Variants in ROBO2 observed in about 807,000 individuals in gnomAD.
ROBO2 encodes roundabout homolog 2.
Under a neutral mutation model 160.8 loss-of-function variants are expected in ROBO2, and 53 were observed. That is an observed-to-expected ratio of 0.33 (90% confidence interval 0.26 to 0.41). The LOEUF is 0.41. Ranked by LOEUF, ROBO2 falls within the 10% of genes least tolerant of loss-of-function variation. The probability of loss-of-function intolerance (pLI) is 1.00; values close to 1 mark genes in which losing one functional copy is unlikely to be tolerated. For missense variants in ROBO2, 1,577 were observed against 1,722.4 expected (o/e 0.92, Z 1.49); for synonymous variants, 664 against 611.7 (o/e 1.09, Z -1.26).
chr3:77,170,651 T>G (rs2079547897), intron 2 of ROBO2, among the ~76,000 whole-genome samples: 1 of 152,190 alleles, frequency 6.6e-6, no homozygotes, highest in Non-Finnish European at 1.5e-5. Flanking sequence ...TTATGGTTTC[T>G]ATTTAAATGG....
intron 2 of ROBO2, among the ~76,000 whole-genome samples, chr3:77,390,986 A>T (rs577814243): frequency 3.7e-4 from 56 of 152,044 alleles, no homozygotes; most frequent in Middle Eastern, 3.4e-3. Context: ...TGAATTTCAG[A>T]CCTGCCTTCA....
intron 2 of ROBO2, among the ~76,000 whole-genome samples, chr3:77,399,332 C>G (rs7431582): frequency 6.6e-6 from 1 of 152,156 alleles, no homozygotes; most frequent in African/African-American, 2.4e-5. Context: ...TGCACATATT[C>G]CTTGGTGACA....
chr3:76,423,140 C>A (rs972875118), intron 2 of ROBO2, among the ~76,000 whole-genome samples: 13 of 152,186 alleles, frequency 8.5e-5, no homozygotes, highest in African/African-American at 3.1e-4. Flanking sequence ...GGGTTAGGTT[C>A]TTCTATTTTC....
At chr3:77,582,655 G>C (rs2093950133) in intron 16 of ROBO2, among the ~76,000 whole-genome samples, 2 of 152,084 alleles carry the variant, frequency 1.3e-5, no homozygotes, top group South Asian at 4.1e-4. Flanking sequence ...TCCTAGAGCA[G>C]TATAGTGTCA....
At chr3:76,417,155 T>C (rs1028395810) in intron 2 of ROBO2, among the ~76,000 whole-genome samples, 15 of 152,186 alleles carry the variant, frequency 9.9e-5, no homozygotes, top group African/African-American at 3.6e-4. Flanking sequence ...GCTCATGTTA[T>C]CTGGAATGGG....
intron 2 of ROBO2, among the ~76,000 whole-genome samples, chr3:77,240,178 G>T (rs1279569887): frequency 1.3e-5 from 2 of 152,148 alleles, no homozygotes; most frequent in Non-Finnish European, 2.9e-5. Context: ...CCACGCAGGA[G>T]CCCACCACAG....
chr3:76,203,835 A>G (rs140250868), intron 2 of ROBO2, among the ~76,000 whole-genome samples: 22 of 152,222 alleles, frequency 1.4e-4, no homozygotes, highest in Middle Eastern at 3.4e-3. Context: ...GCCTCAGGCT[A>G]TCGGCTTCCC....
chr3:76,100,151 C>T (rs975031651), intron 2 of ROBO2, among the ~76,000 whole-genome samples: 12 of 152,110 alleles, frequency 7.9e-5, no homozygotes, highest in African/African-American at 1.2e-4. Context: ...TGAATCCTTG[C>T]ACAATTCTTT....
intron 2 of ROBO2, among the ~76,000 whole-genome samples, chr3:77,468,192 G>C (rs2082980947): frequency 6.6e-6 from 1 of 152,200 alleles, no homozygotes; most frequent in African/African-American, 2.4e-5. Flanking sequence ...TAAGCTAATG[G>C]ATAGGCTATG....
intron 2 of ROBO2, among the ~76,000 whole-genome samples, chr3:77,408,380 T>A (rs2076428201): frequency 6.6e-6 from 1 of 152,192 alleles, no homozygotes; most frequent in East Asian, 1.9e-4. Context: ...TAAAAGCATG[T>A]GCTTTTTTAT....
chr3:76,780,145 TAATGTTGAGC>T (rs1366981890), intron 2 of ROBO2, among the ~76,000 whole-genome samples: 2 of 150,934 alleles, frequency 1.3e-5, no homozygotes, highest in Non-Finnish European at 3.0e-5. Context: ...TGATGATTAG[TAATGTTGAGC>T]ACCTTTACAT....
At chr3:77,611,297 CAA>C (rs11330872) in intron 21 of ROBO2, among the ~76,000 whole-genome samples, 32 of 132,172 alleles carry the variant, frequency 2.4e-4, no homozygotes, top group Non-Finnish European at 2.4e-4. Flanking sequence ...GACTCTGTCT[CAA>C]AAAAAAAAAA....
intron 2 of ROBO2, among the ~76,000 whole-genome samples, chr3:77,292,364 A>C (rs564695063): frequency 6.6e-6 from 1 of 152,180 alleles, no homozygotes; most frequent in African/African-American, 2.4e-5. Flanking sequence ...TGACGGTTAA[A>C]TGGGTAAGCT....
chr3:76,244,902 C>A (rs1705523885), intron 2 of ROBO2, among the ~76,000 whole-genome samples: 1 of 152,290 alleles, frequency 6.6e-6, no homozygotes, highest in Admixed American at 6.5e-5. Context: ...TCTTCGGTAT[C>A]TAGATGTTAA....
At chr3:76,634,963 C>T (rs1654851324) in intron 2 of ROBO2, among the ~76,000 whole-genome samples, 1 of 152,184 alleles carries the variant, frequency 6.6e-6, no homozygotes, top group South Asian at 2.1e-4. Flanking sequence ...GTTGCACACT[C>T]CTTATGACAA....
intron 2 of ROBO2, among the ~76,000 whole-genome samples, chr3:76,959,483 G>A (rs1229273833): frequency 1.3e-5 from 2 of 152,144 alleles, no homozygotes; most frequent in Non-Finnish European, 2.9e-5. Flanking sequence ...GCTTCATTGA[G>A]TACTGAAGTG....
chr3:76,343,912 T>A (rs1029790852), intron 2 of ROBO2, among the ~76,000 whole-genome samples: 10 of 152,148 alleles, frequency 6.6e-5, no homozygotes, highest in Non-Finnish European at 1.5e-4. Flanking sequence ...TATTTTGATC[T>A]TGATGTGTCC....
At chr3:77,563,740 G>C (rs753929421) in intron 11 of ROBO2, among the ~76,000 whole-genome samples, 1 of 152,006 alleles carries the variant, frequency 6.6e-6, no homozygotes, top group Non-Finnish European at 1.5e-5. Context: ...CTAATAATTA[G>C]AGCAGAACTT....
intron 2 of ROBO2, among the ~76,000 whole-genome samples, chr3:76,413,031 T>A (rs900124240): frequency 6.6e-6 from 1 of 152,228 alleles, no homozygotes; most frequent in Non-Finnish European, 1.5e-5. Flanking sequence ...TCTGTGCACA[T>A]GCAGTCTCAA....
Sources: gnomAD v4.1 joint callset for allele counts (sites outside exome capture counted in the v4.1 genomes callset) on GRCh38, gnomAD v4.1.1 for gene constraint, MANE v1.5 for transcripts, NCBI Gene and HGNC (gene_info 2026-07-23, HGNC 2026-07-21) for gene names.